Variants in COL18A1 observed in about 807,000 individuals in gnomAD.
COL18A1 encodes the protein collagen type XVIII alpha 1 chain.
Under a neutral mutation model 168.0 loss-of-function variants are expected in COL18A1, and 133 were observed. That is an observed-to-expected ratio of 0.79 (90% CI 0.69 to 0.91). COL18A1 has a LOEUF of 0.91. Among genes scored for constraint, COL18A1 ranks in the 40% least tolerant of loss-of-function variants. The pLI is 0.00. For synonymous variants in COL18A1, 949 were observed against 809.0 expected (o/e 1.17, Z -2.94); for missense variants, 2,126 against 1,925.4 (o/e 1.10, Z -1.95).
Position 45,512,967 on chromosome 21 carries a change from CA to C in COL18A1, c.*570del, listed in dbSNP as rs1237958467. ...GAGCCCCTTCTGCTCAGCTCTGGGCCATTCTCCACAGCAACCCCAGGCTGAA... is the reference window on the plus strand; with the variant it reads ...GAGCCCCTTCTGCTCAGCTCTGGGCCTTCTCCACAGCAACCCCAGGCTGAA... On this transcript the variant is annotated 3_prime_UTR_variant, in exon 42 of 42. Coordinates refer to ENST00000651438, the MANE Select transcript of COL18A1 (RefSeq NM_001379500.1). 3 of 168,468 alleles carry C rather than the reference CA, an allele frequency of 1.8e-5. No homozygotes were observed. The highest frequency in any genetic ancestry group is 7.2e-5 in the African/African-American group (3 of 41,784). The allele number at this position is 168,468 out of a possible 1,614,324, so 10.4% of individuals were successfully genotyped here.
chr21:45,441,970 C>T (rs1417814786), intron 2 of COL18A1, among the ~76,000 whole-genome samples: 1 of 152,234 alleles, frequency 6.6e-6, no homozygotes, highest in African/African-American at 2.4e-5. Context: ...CCCCTGGGAC[C>T]CTCACTCCAG....
rs2035432182 is a variant in COL18A1 at position 45,471,643 on chromosome 21, C to T, written c.652-2252C>T. Among the ~76,000 whole-genome samples the T allele has an allele frequency of 6.6e-6, 1 of 152,172 alleles. No individual in the cohort carries two copies. The highest frequency in any genetic ancestry group is 1.5e-5 in the Non-Finnish European group (1 of 68,042). ...TCTTTTCAGGTTCACTTTCTTGAGTCAGGTTTGTCAGTGGTCGTCTCCCGG... is the reference window on the plus strand; with the variant it reads ...TCTTTTCAGGTTCACTTTCTTGAGTTAGGTTTGTCAGTGGTCGTCTCCCGG... On this transcript the variant is annotated intron_variant, in intron 3 of 41. Transcript: ENST00000651438. This position sits in a 1 kb window ranked among gnomAD's most constrained non-coding sequence, Gnocchi z 4.4.
intron 41 of COL18A1, among the ~76,000 whole-genome samples, chr21:45,511,479 G>T (rs1277323244): frequency 6.6e-6 from 1 of 152,126 alleles, no homozygotes; most frequent in South Asian, 2.1e-4. Context: ...TGCTCATGGC[G>T]GATAGACTCC....
intron 13 of COL18A1, among the ~76,000 whole-genome samples, chr21:45,481,129 C>G (rs115488162): frequency 2.4e-4 from 37 of 152,250 alleles, no homozygotes; most frequent in African/African-American, 8.9e-4. Context: ...TGTGGGTCCA[C>G]GGACTGCACA....
At chr21:45,464,561 T>C (rs2035140981) in intron 2 of COL18A1, among the ~76,000 whole-genome samples, 1 of 152,188 alleles carries the variant, frequency 6.6e-6, no homozygotes, top group African/African-American at 2.4e-5. Context: ...CCAACACAGC[T>C]GTCTTACCTT....
intron 6 of COL18A1, 43 bp downstream of exon 6, chr21:45,476,523 T>A: frequency 6.4e-7 from 1 of 1,559,676 alleles, no homozygotes; most frequent in Admixed American, 1.9e-5. Context: ...GTGTGGGGTG[T>A]GTGTGGTGTG....
rs1479716288 is a variant in COL18A1 at position 45,512,394 on chromosome 21, A to G, written c.4016A>G (p.Lys1339Arg). The change falls in exon 42 of 42, where the codon AAG becomes AGG. Residue 1339 changes from lysine (K) to arginine (R), a missense_variant. Transcript: ENST00000651438. ...GAGAACAGCTTCATGACTGCCTCCA[A>G]GTAGCCACCGCCTGGATGCGGATGG... ...CIENSFMTAS[K>R] 6.2e-7 allele frequency: 1 copy of G among 1,612,270 alleles called. No homozygotes were observed. The highest frequency in any genetic ancestry group is 8.5e-7 in the Non-Finnish European group (1 of 1,179,730).
rs1325128187 is a variant in COL18A1 at position 45,443,121 on chromosome 21, G to A, written c.107-25121G>A. On this transcript the variant is annotated intron_variant, in intron 2 of 41. Coordinates refer to ENST00000651438, the MANE Select transcript of COL18A1 (RefSeq NM_001379500.1). The surrounding 1 kb of genome is among the most constrained non-coding windows in gnomAD (Gnocchi z 5.2). ...GGGCGGCGGTGCTGGTGTGGGCGGC[G>A]GTGCTGGTGTGGGCGGCGGTGCTGG... Among the ~76,000 whole-genome samples the A allele has an allele frequency of 6.1e-3, 600 of 98,904 alleles. 10 individuals are homozygous for A. The highest frequency in any genetic ancestry group is 0.02 in the African/African-American group (559 of 27,584). 64.9% of individuals were successfully genotyped at this position (98,904 alleles called of 152,430 possible).
At chr21:45,485,684 C>G (rs1354546680) in intron 15 of COL18A1, among the ~76,000 whole-genome samples, 44 of 152,232 alleles carry the variant, frequency 2.9e-4, no homozygotes, top group Non-Finnish European at 4.4e-5. Flanking sequence ...GAGACCCAGA[C>G]CTAGAAGGGA....
In COL18A1 at chr21:45,490,331, C is replaced by T; in HGVS notation, c.2016C>T (p.Gly672=). ...TCCCCGGCCTCCCTGGCAGAGAGGG[C>T]ATTGCTGGGCCCCAGGTGAGTTGCC... ...PGFPGLPGRE[G]IAGPQGPKGD... Residue 672 remains glycine, a synonymous_variant, in exon 20 of 42, where the codon GGC becomes GGT. Transcript: ENST00000651438. The T allele has an allele frequency of 6.3e-7, 1 of 1,583,016 alleles. No individual in the cohort carries two copies. Among genetic ancestry groups the T allele is most frequent in the Non-Finnish European group, 8.6e-7 (1 of 1,165,132 alleles).
intron 9 of COL18A1, 115 bp from the exon 10 acceptor site, chr21:45,479,787 C>T: frequency 2.0e-5 from 30 of 1,466,826 alleles, no homozygotes; most frequent in Non-Finnish European, 2.7e-5. Context: ...CCCAGAGACT[C>T]CCCTGAAGGG....
intron 37 of COL18A1, 171 bp from the exon 38 acceptor site, chr21:45,507,390 G>A: frequency 1.4e-6 from 1 of 730,022 alleles, no homozygotes; most frequent in South Asian, 1.5e-5. Context: ...GTGCTGGGCA[G>A]GGAGCGTACC....
chr21:45,505,241 C>T lies in COL18A1; in HGVS notation c.2976C>T (p.Pro992=), dbSNP rs753302606. The change falls in exon 35 of 42, where the codon CCC becomes CCT. Residue 992 remains proline, a synonymous_variant. Coordinates refer to ENST00000651438, the MANE Select transcript of COL18A1 (RefSeq NM_001379500.1). ...GRQGPPGPPG[P]PGPPSFPGPH... is the part of the protein sequence containing the mutation. ...AGGGCCCTCCCGGCCCCCCAGGCCC[C>T]CCAGGGCCCCCTTCATTTCCTGGCC... is the stretch of plus-strand genomic sequence containing the variant. 1.9e-5 allele frequency: 31 copies of T among 1,603,408 alleles called. No individual in the cohort carries two copies. The highest frequency in any genetic ancestry group is 6.8e-5 in the East Asian group (3 of 44,420).
intron 4 of COL18A1, among the ~76,000 whole-genome samples, chr21:45,474,502 GGT>G (rs1455253564): frequency 6.6e-6 from 1 of 151,854 alleles, no homozygotes; most frequent in Non-Finnish European, 1.5e-5. Context: ...GTGTCTCTGT[GGT>G]GTGTCTGTCT....
chr21:45,452,966 G>T (rs935110516), intron 2 of COL18A1, among the ~76,000 whole-genome samples: 4 of 152,066 alleles, frequency 2.6e-5, no homozygotes, highest in Non-Finnish European at 5.9e-5. Context: ...GTGTGACCTT[G>T]TGTATGCATG....
chr21:45,492,748 G>A (rs989175536), intron 24 of COL18A1, 35 bp downstream of exon 24: 69 of 1,530,268 alleles, frequency 4.5e-5, no homozygotes, highest in Non-Finnish European at 5.7e-5. Context: ...CATGCTGCCC[G>A]GCTGGGGAGG....
chr21:45,474,157 T>G lies in COL18A1; in HGVS notation c.738+176T>G, dbSNP rs1602473724. ...TCAGAGCCCTTCCTTGCCCTGAACTTTCCCATAAAAACAAATACAAAGCAT... is the reference window on the plus strand; with the variant it reads ...TCAGAGCCCTTCCTTGCCCTGAACTGTCCCATAAAAACAAATACAAAGCAT... On this transcript the variant is annotated intron_variant, in intron 4 of 41. Transcript: ENST00000651438. Among the ~76,000 whole-genome samples, 2 of 152,172 alleles carry G rather than the reference T, an allele frequency of 1.3e-5. 1 individual carries two copies. The highest frequency in any genetic ancestry group is 4.8e-5 in the African/African-American group (2 of 41,422).
Position 45,505,266 on chromosome 21 carries a change from C to A in COL18A1, c.3001C>A (p.Pro1001Thr). Residue 1001 changes from proline to threonine, a missense_variant, in exon 35 of 42, where the codon CCT becomes ACT. Transcript: ENST00000651438. The stretch of plus-strand genomic sequence containing the variant: ...CCCAGGGCCCCCTTCATTTCCTGGC[C>A]CTCACAGGCAGAGTAAGTCAGTGGG... ...GPPGPPSFPG[P>T]HRQTISVPGP... 6.2e-7 allele frequency: 1 copy of A among 1,607,752 alleles called. No homozygotes were observed. Among genetic ancestry groups the A allele is most frequent in the Middle Eastern group, 1.7e-4 (1 of 5,970 alleles).
chr21:45,487,470 G>A lies in COL18A1; in HGVS notation c.1857G>A (p.Gly619=), dbSNP rs756996917. 3.7e-6 allele frequency: 6 copies of A among 1,613,096 alleles called. No individual in the cohort carries two copies. Among genetic ancestry groups the A allele is most frequent in the East Asian group, 2.2e-5 (1 of 44,872 alleles). Residue 619 remains glycine, a synonymous_variant, in exon 17 of 42, where the codon GGG becomes GGA. Coordinates refer to ENST00000651438, the MANE Select transcript of COL18A1 (RefSeq NM_001379500.1). Reference sequence around the variant, plus strand: ...AGGATGACATGGAAGGCTCCGGGGGGCCCTTCTGGTCAACAGCCCGAAGCG... The same window carrying A: ...AGGATGACATGGAAGGCTCCGGGGGACCCTTCTGGTCAACAGCCCGAAGCG... ...AGFDDMEGSG[G]PFWSTARSAD...
Sources: allele counts gnomAD v4.1 joint callset (sites outside exome capture counted in the v4.1 genomes callset), GRCh38; gene constraint gnomAD v4.1.1; non-coding constraint Gnocchi (gnomAD v3.1); transcripts MANE v1.5; gene names NCBI Gene and HGNC (gene_info 2026-07-23, HGNC 2026-07-21).